The following VPS13B variants were observed in gnomAD, a reference collection of about 807,000 sequenced individuals.
VPS13B encodes the protein intermembrane lipid transfer protein VPS13B.
A neutral mutation model predicts 426.4 loss-of-function variants in VPS13B; 285 were observed. The ratio of observed to expected loss-of-function variants is 0.67; its 90% CI spans 0.61 to 0.74. The LOEUF (loss-of-function observed/expected upper bound fraction) is 0.74. VPS13B is among the 30% of genes least tolerant of loss of function. The probability of loss-of-function intolerance (pLI) is 0.00; values close to 1 mark genes in which losing one functional copy is unlikely to be tolerated. For missense variants in VPS13B, 4,537 were observed against 4,782.6 expected (o/e 0.95, Z 1.51); for synonymous variants, 1,676 against 1,676.4 (o/e 1.00, Z 0.01).
At chr8:99,267,325 T>C (rs1429322532) in intron 17 of VPS13B, among the ~76,000 whole-genome samples, 11 of 152,074 alleles carry the variant, frequency 7.2e-5, no homozygotes, top group Non-Finnish European at 1.6e-4. Context: ...ACTTTGAACT[T>C]GAGAGAGATG....
intron 21 of VPS13B, among the ~76,000 whole-genome samples, chr8:99,397,627 G>A (rs35194538): frequency 0.059 from 9,034 of 152,152 alleles, 385 homozygotes; most frequent in Non-Finnish European, 0.093. Context: ...GTTTAAGCAC[G>A]CACCCTAAAG....
chr8:99,473,171 C>G (rs1403577039), intron 24 of VPS13B, among the ~76,000 whole-genome samples: 1 of 151,916 alleles, frequency 6.6e-6, no homozygotes, highest in Admixed American at 6.6e-5. Flanking sequence ...TAGCATAACT[C>G]TAATAACAAA....
chr8:99,393,590 A>G (rs919578406), intron 21 of VPS13B, among the ~76,000 whole-genome samples: 1 of 152,130 alleles, frequency 6.6e-6, no homozygotes, highest in Non-Finnish European at 1.5e-5. Flanking sequence ...GGACATTATT[A>G]TTTCACCAAA....
intron 51 of VPS13B, among the ~76,000 whole-genome samples, chr8:99,831,586 C>T (rs1023446367): frequency 6.6e-6 from 1 of 152,130 alleles, no homozygotes; most frequent in Non-Finnish European, 1.5e-5. Context: ...GTGGTAAAGT[C>T]AGCCCTCTGT....
At chr8:99,860,887 T>G (rs1198737750) in intron 57 of VPS13B, among the ~76,000 whole-genome samples, 1 of 152,246 alleles carries the variant, frequency 6.6e-6, no homozygotes, top group Non-Finnish European at 1.5e-5. Flanking sequence ...CTCACTGGTT[T>G]TTCAGTTAAC....
At chr8:99,493,610 C>T (rs1445644722) in intron 25 of VPS13B, among the ~76,000 whole-genome samples, 1 of 151,714 alleles carries the variant, frequency 6.6e-6, no homozygotes, top group Non-Finnish European at 1.5e-5. Context: ...CATGGCAAAA[C>T]CCCTTCTGTA....
At position 99,641,903 on chromosome 8, in the gene VPS13B, T is replaced by A; in HGVS notation, c.5313T>A (p.Ile1771=). The change falls in exon 34 of 62, where the codon ATT becomes ATA. Residue 1771 remains isoleucine, a synonymous_variant. Coordinates refer to ENST00000357162, the MANE Select transcript of VPS13B (RefSeq NM_152564.5). ...SRYSGAQDSG[I]GSDSVKIRIV... is the part of the protein sequence containing the mutation. ...ACAGTGGTGCTCAGGATAGTGGAATTGGCAGTGACAGTGTTAAAATCAGAA... is the reference window on the plus strand; with the variant it reads ...ACAGTGGTGCTCAGGATAGTGGAATAGGCAGTGACAGTGTTAAAATCAGAA... 1 of 1,614,124 alleles carries A rather than the reference T, an allele frequency of 6.2e-7. No individual in the cohort carries two copies. The highest frequency in any genetic ancestry group is 1.1e-5 in the South Asian group (1 of 91,082).
At chr8:99,677,068 A>G (rs1329271273) in intron 35 of VPS13B, among the ~76,000 whole-genome samples, 1 of 152,178 alleles carries the variant, frequency 6.6e-6, no homozygotes, top group East Asian at 1.9e-4. Context: ...ATGAGCCGAG[A>G]TCGTGTCATT....
At position 99,876,567 on chromosome 8, in the gene VPS13B, A is replaced by ATATT. The variant is rs1817710938; in HGVS notation, c.*902_*905dup. 2 of 152,216 alleles carry ATATT rather than the reference A, an allele frequency of 1.3e-5. No individual in the cohort carries two copies. Among genetic ancestry groups the ATATT allele is most frequent in the African/African-American group, 4.8e-5 (2 of 41,454 alleles). 9.4% of individuals were successfully genotyped at this position (152,216 alleles called of 1,614,324 possible). A position where few individuals can be genotyped will look rare whatever the true frequency, so the allele number is the denominator to read the frequency against. ...TGCCATAGAGCACACAAGAACCCCA[A>ATATT]TATTAATGCTAACAATTATACCAGT... On this transcript the variant is annotated 3_prime_UTR_variant, in exon 62 of 62. Coordinates refer to ENST00000357162, the MANE Select transcript of VPS13B (RefSeq NM_152564.5).
chr8:99,753,785 CA>C (rs958860516), intron 39 of VPS13B, among the ~76,000 whole-genome samples: 1 of 152,016 alleles, frequency 6.6e-6, no homozygotes, highest in Non-Finnish European at 1.5e-5. Flanking sequence ...ATTCTGATAC[CA>C]GGGGAAAATA....
chr8:99,029,581 G>T (rs1197776352), intron 2 of VPS13B, among the ~76,000 whole-genome samples: 1 of 152,032 alleles, frequency 6.6e-6, no homozygotes, highest in African/African-American at 2.4e-5. Flanking sequence ...AGACCAGCCC[G>T]GCCAACACAG....
chr8:99,563,291 A>G (rs2133781127), intron 31 of VPS13B, among the ~76,000 whole-genome samples: 1 of 152,370 alleles, frequency 6.6e-6, no homozygotes, highest in Non-Finnish European at 1.5e-5. Context: ...TCCTGTAAGA[A>G]GTTCAGCATC....
At chr8:99,333,983 G>C (rs1022590028) in intron 19 of VPS13B, among the ~76,000 whole-genome samples, 8 of 151,832 alleles carry the variant, frequency 5.3e-5, no homozygotes, top group Non-Finnish European at 8.8e-5. Context: ...ATGGACTTCT[G>C]TATTGTTTCT....
chr8:99,862,167 G>C (rs1469212254), intron 58 of VPS13B, among the ~76,000 whole-genome samples: 1 of 152,206 alleles, frequency 6.6e-6, no homozygotes, highest in Admixed American at 6.5e-5. Context: ...ATGTATCTTG[G>C]GCCTCACTGA....
chr8:99,722,655 C>T (rs957615441), intron 39 of VPS13B, among the ~76,000 whole-genome samples: 6 of 151,868 alleles, frequency 4.0e-5, no homozygotes, highest in East Asian at 1.9e-4. Flanking sequence ...TACAGGTGTC[C>T]GCCACCATGC....
intron 43 of VPS13B, among the ~76,000 whole-genome samples, chr8:99,803,163 A>G (rs1042730674): frequency 6.6e-6 from 1 of 152,194 alleles, no homozygotes; most frequent in African/African-American, 2.4e-5. Flanking sequence ...GAATTGATGC[A>G]TCAATAGGTA....
chr8:99,628,771 A>T (rs988353342), intron 33 of VPS13B, among the ~76,000 whole-genome samples: 1 of 150,926 alleles, frequency 6.6e-6, no homozygotes, highest in East Asian at 1.9e-4. Flanking sequence ...TTTACTAGCT[A>T]TGTGTTTTTT....
At chr8:99,680,128 C>A (rs1339841071) in intron 35 of VPS13B, among the ~76,000 whole-genome samples, 1 of 152,236 alleles carries the variant, frequency 6.6e-6, no homozygotes, top group Non-Finnish European at 1.5e-5. Flanking sequence ...AAGAAGTTTT[C>A]TTTCATAAAT....
At chr8:99,310,259 C>A (rs1306781437) in intron 19 of VPS13B, among the ~76,000 whole-genome samples, 1 of 152,146 alleles carries the variant, frequency 6.6e-6, no homozygotes, top group East Asian at 1.9e-4. Flanking sequence ...CTGTCTTGTG[C>A]CGGTTTTCAA....
Sources: allele counts gnomAD v4.1 joint callset (sites outside exome capture counted in the v4.1 genomes callset), GRCh38; gene constraint gnomAD v4.1.1; transcripts MANE v1.5; gene names NCBI Gene and HGNC (gene_info 2026-07-23, HGNC 2026-07-21).